The following KCNH5 variants were observed in gnomAD, a reference collection of about 807,000 sequenced individuals.
The protein encoded by KCNH5 is voltage-gated delayed rectifier potassium channel KCNH5.
Under a neutral mutation model 96.1 loss-of-function variants are expected in KCNH5, and 46 were observed. The observed-to-expected ratio is 0.48, with a 90% confidence interval of 0.38 to 0.61. The LOEUF (loss-of-function observed/expected upper bound fraction) is 0.61, where lower values mean the gene tolerates loss of function less well. KCNH5 is among the 20% of genes least tolerant of loss of function. KCNH5 has a pLI of 0.00. For missense variants in KCNH5, 907 were observed against 1,225.8 expected (o/e 0.74, Z 3.88); for synonymous variants, 439 against 449.8 (o/e 0.98, Z 0.30).
At chr14:62,888,853 A>G (rs1350619989) in intron 7 of KCNH5, among the ~76,000 whole-genome samples, 1 of 152,158 alleles carries the variant, frequency 6.6e-6, no homozygotes, top group African/African-American at 2.4e-5. Flanking sequence ...CCCCAACCCA[A>G]TTAGAGAATT....
At chr14:63,030,644 C>A (rs1891607756) in intron 1 of KCNH5, among the ~76,000 whole-genome samples, 3 of 152,128 alleles carry the variant, frequency 2.0e-5, no homozygotes, top group Admixed American at 1.3e-4. Flanking sequence ...TTTAATTGGT[C>A]TTGAGTAGAA....
intron 6 of KCNH5, among the ~76,000 whole-genome samples, chr14:62,968,184 G>A (rs1352791671): frequency 6.6e-6 from 1 of 152,156 alleles, no homozygotes; most frequent in Non-Finnish European, 1.5e-5. Flanking sequence ...TAAAAGCTTA[G>A]ATGACAGCCA....
chr14:62,893,281 G>A (rs1007901998), intron 7 of KCNH5, among the ~76,000 whole-genome samples: 6 of 152,084 alleles, frequency 3.9e-5, no homozygotes, highest in African/African-American at 1.4e-4. Flanking sequence ...GATGTGGTGG[G>A]GATACCAAGA....
At chr14:62,804,621 A>G (rs1886728984) in intron 8 of KCNH5, among the ~76,000 whole-genome samples, 1 of 152,216 alleles carries the variant, frequency 6.6e-6, no homozygotes, top group African/African-American at 2.4e-5. Flanking sequence ...ACTTAGAGGC[A>G]GCAAAAAAGG....
chr14:62,721,938 C>T (rs1244130191), intron 10 of KCNH5, among the ~76,000 whole-genome samples: 2 of 152,162 alleles, frequency 1.3e-5, no homozygotes, highest in African/African-American at 4.8e-5. Flanking sequence ...CCTGCTAAGT[C>T]AATATCACAT....
chr14:62,794,825 A>C (rs1390691600), intron 9 of KCNH5, among the ~76,000 whole-genome samples: 1 of 152,128 alleles, frequency 6.6e-6, no homozygotes, highest in Non-Finnish European at 1.5e-5. Flanking sequence ...TTTATGTATT[A>C]ATGAAATTAA....
chr14:62,946,726 T>TAAA (rs1389154487), intron 7 of KCNH5, among the ~76,000 whole-genome samples: 1 of 152,078 alleles, frequency 6.6e-6, no homozygotes, highest in Non-Finnish European at 1.5e-5. Context: ...AACCATGAAC[T>TAAA]ACTACTCAGC....
intron 7 of KCNH5, among the ~76,000 whole-genome samples, chr14:62,930,277 A>G (rs1274344006): frequency 6.6e-6 from 1 of 152,082 alleles, no homozygotes; most frequent in Non-Finnish European, 1.5e-5. Flanking sequence ...TTTTAACACC[A>G]CTAACCATGA....
chr14:62,881,712 C>T (rs1401263101), intron 7 of KCNH5, among the ~76,000 whole-genome samples: 1 of 150,632 alleles, frequency 6.6e-6, no homozygotes, highest in Non-Finnish European at 1.5e-5. Flanking sequence ...TGTACCACAA[C>T]AGTACTCTGC....
chr14:62,802,604 A>G (rs1346053017), intron 8 of KCNH5, 23 bp from the exon 9 acceptor site: 5 of 1,609,524 alleles, frequency 3.1e-6, no homozygotes, highest in Non-Finnish European at 4.2e-6. Flanking sequence ...AGAGATGAAT[A>G]AGTGAAAAGG....
chr14:62,802,864 G>A (rs913747775), intron 8 of KCNH5, among the ~76,000 whole-genome samples: 17 of 152,286 alleles, frequency 1.1e-4, no homozygotes, highest in Non-Finnish European at 2.4e-4. Flanking sequence ...ACACAGCCTT[G>A]GCTGGGCATG....
At chr14:62,848,415 G>A (rs536946731) in intron 8 of KCNH5, among the ~76,000 whole-genome samples, 74 of 152,100 alleles carry the variant, frequency 4.9e-4, no homozygotes, top group Non-Finnish European at 8.1e-4. Context: ...ACTACTTCAA[G>A]GGGCCATTTA....
At chr14:62,854,096 C>A (rs1482604284) in intron 7 of KCNH5, among the ~76,000 whole-genome samples, 6 of 151,862 alleles carry the variant, frequency 4.0e-5, no homozygotes, top group Non-Finnish European at 8.8e-5. Context: ...CCTCTTCCCT[C>A]ACTATCACTA....
chr14:62,833,299 C>A (rs1389754082), intron 8 of KCNH5, among the ~76,000 whole-genome samples: 1 of 151,790 alleles, frequency 6.6e-6, no homozygotes, highest in African/African-American at 2.4e-5. Flanking sequence ...AGTCTTTAAT[C>A]CATTTTGTGT....
intron 7 of KCNH5, among the ~76,000 whole-genome samples, chr14:62,936,872 T>C (rs1461811498): frequency 6.6e-6 from 1 of 150,400 alleles, no homozygotes. Flanking sequence ...TCCCAGCTAC[T>C]CAGGAGGCTG....
At chr14:62,838,130 C>T (rs1018064300) in intron 8 of KCNH5, among the ~76,000 whole-genome samples, 3 of 152,170 alleles carry the variant, frequency 2.0e-5, no homozygotes, top group South Asian at 2.1e-4. Flanking sequence ...TCTTTCGAAA[C>T]ATGCATTTAA....
chr14:62,955,030 A>G (rs932285249), intron 6 of KCNH5, among the ~76,000 whole-genome samples: 7 of 151,992 alleles, frequency 4.6e-5, no homozygotes, highest in Admixed American at 2.0e-4. Flanking sequence ...GCCAAACCAT[A>G]TCACTAGGTC....
At chr14:62,836,018 A>G (rs1477531481) in intron 8 of KCNH5, among the ~76,000 whole-genome samples, 3 of 152,030 alleles carry the variant, frequency 2.0e-5, no homozygotes, top group Non-Finnish European at 4.4e-5. Context: ...TTTATTGTAT[A>G]TATGTGTTCT....
At chr14:62,853,359 A>T (rs908347463) in intron 7 of KCNH5, among the ~76,000 whole-genome samples, 1 of 150,186 alleles carries the variant, frequency 6.7e-6, no homozygotes, top group African/African-American at 2.4e-5. Context: ...TAACGCATAT[A>T]AAAAAGTATA....
Sources: gnomAD v4.1 joint callset for allele counts (sites outside exome capture counted in the v4.1 genomes callset) on GRCh38, gnomAD v4.1.1 for gene constraint, MANE v1.5 for transcripts, NCBI Gene and HGNC (gene_info 2026-07-23, HGNC 2026-07-21) for gene names.